PSD3: variants seen among roughly 807,000 people sequenced by gnomAD.
PSD3 encodes PH and SEC7 domain-containing protein 3.
A neutral mutation model predicts 105.5 loss-of-function variants in PSD3; 49 were observed. The observed-to-expected ratio is 0.46, with a 90% CI of 0.37 to 0.59. The LOEUF (loss-of-function observed/expected upper bound fraction) is 0.59, where lower values mean the gene tolerates loss of function less well. Among genes scored for constraint, PSD3 ranks in the 20% least tolerant of loss-of-function variants. The pLI is 0.00. For synonymous variants in PSD3, 557 were observed against 457.8 expected, an observed-to-expected ratio of 1.22 and a Z score of -2.77; for missense variants, 1,561 against 1,263.8, an observed-to-expected ratio of 1.24 and a Z score of -3.57.
chr8:18,666,870 G>T (rs2130895084), intron 9 of PSD3, among the ~76,000 whole-genome samples: 1 of 152,248 alleles, frequency 6.6e-6, no homozygotes, highest in Non-Finnish European at 1.5e-5. Context: ...AAACAGATTG[G>T]AATGCTATTG....
chr8:18,560,179 C>G (rs1000141637), intron 14 of PSD3, among the ~76,000 whole-genome samples: 51 of 134,632 alleles, frequency 3.8e-4, no homozygotes, highest in Non-Finnish European at 6.1e-4. Context: ...ACATTTTACA[C>G]ACACACACAC....
intron 1 of PSD3, among the ~76,000 whole-genome samples, chr8:18,946,725 C>T (rs950910313): frequency 1.3e-5 from 2 of 151,660 alleles, no homozygotes; most frequent in African/African-American, 4.8e-5. Flanking sequence ...TATGGTGAAA[C>T]CCCATCTCTA....
intron 2 of PSD3, among the ~76,000 whole-genome samples, chr8:18,927,986 C>G (rs1166217332): frequency 6.6e-6 from 1 of 152,186 alleles, no homozygotes; most frequent in African/African-American, 2.4e-5. Flanking sequence ...CTCGGCAATT[C>G]TACTTCTAGC....
intron 1 of PSD3, among the ~76,000 whole-genome samples, chr8:18,990,844 G>A (rs1825751884): frequency 6.6e-6 from 1 of 152,168 alleles, no homozygotes; most frequent in African/African-American, 2.4e-5. Flanking sequence ...CCAAGCTGCA[G>A]TGTTACACTA....
At chr8:18,834,102 T>C (rs1411763365) in intron 4 of PSD3, among the ~76,000 whole-genome samples, 1 of 152,200 alleles carries the variant, frequency 6.6e-6, no homozygotes, top group South Asian at 2.1e-4. Context: ...ATTGTAAAGA[T>C]GTTTCTCTCA....
chr8:18,768,926 ATAAGT>A (rs1224188993), intron 8 of PSD3, among the ~76,000 whole-genome samples: 27 of 152,332 alleles, frequency 1.8e-4, no homozygotes, highest in Admixed American at 1.0e-3. Flanking sequence ...GATATTTCTC[ATAAGT>A]TAAATAAATT....
intron 8 of PSD3, among the ~76,000 whole-genome samples, chr8:18,768,842 G>T (rs1046716966): frequency 1.3e-5 from 2 of 152,134 alleles, no homozygotes; most frequent in African/African-American, 2.4e-5. Flanking sequence ...CATCAGCAAA[G>T]AATGCATAGT....
intron 1 of PSD3, among the ~76,000 whole-genome samples, chr8:19,025,767 G>T (rs184225140): frequency 1.9e-3 from 289 of 152,314 alleles, no homozygotes; most frequent in African/African-American, 6.8e-3. Flanking sequence ...AGGATTCCCA[G>T]TTGGCATCTT....
At chr8:18,652,140 G>T (rs958708667) in intron 10 of PSD3, among the ~76,000 whole-genome samples, 8 of 152,130 alleles carry the variant, frequency 5.3e-5, no homozygotes, top group African/African-American at 1.9e-4. Flanking sequence ...AATAGAAATG[G>T]AGCACACACG....
chr8:18,932,659 C>T (rs772676751), intron 2 of PSD3, among the ~76,000 whole-genome samples: 5 of 152,184 alleles, frequency 3.3e-5, no homozygotes, highest in Non-Finnish European at 7.3e-5. Context: ...ATTTTCCTCA[C>T]CTACTTATTT....
chr8:18,622,617 T>C (rs2130719786), intron 11 of PSD3, among the ~76,000 whole-genome samples: 1 of 152,340 alleles, frequency 6.6e-6, no homozygotes, highest in East Asian at 1.9e-4. Flanking sequence ...CAATAAAAAT[T>C]GTACATAAGT....
chr8:19,040,394 G>A (rs1276399369), intron 1 of PSD3, among the ~76,000 whole-genome samples: 1 of 151,960 alleles, frequency 6.6e-6, no homozygotes, highest in East Asian at 1.9e-4. Context: ...TTGTAGAGAC[G>A]GGGGTCTTGC....
At chr8:18,747,178 G>A (rs1331528436) in intron 9 of PSD3, among the ~76,000 whole-genome samples, 3 of 152,218 alleles carry the variant, frequency 2.0e-5, no homozygotes, top group Admixed American at 2.0e-4. Flanking sequence ...ACCACAAATT[G>A]GAGCTTGGCC....
chr8:18,873,356 C>T (rs1034736345), intron 2 of PSD3, among the ~76,000 whole-genome samples: 3 of 152,118 alleles, frequency 2.0e-5, no homozygotes, highest in Non-Finnish European at 4.4e-5. Flanking sequence ...AGAAAGACTT[C>T]CAGGAACCCA....
chr8:18,925,251 C>T (rs763555105), intron 2 of PSD3, among the ~76,000 whole-genome samples: 23 of 152,044 alleles, frequency 1.5e-4, no homozygotes, highest in Non-Finnish European at 2.4e-4. Context: ...AAAAGTCAGC[C>T]GGGCATGGTG....
At chr8:18,552,937 G>A (rs1800860860) in intron 15 of PSD3, among the ~76,000 whole-genome samples, 1 of 152,022 alleles carries the variant, frequency 6.6e-6, no homozygotes. Context: ...AAGTTTCCTT[G>A]CTCTCTGTAA....
chr8:18,766,134 G>C (rs539030034), intron 8 of PSD3, among the ~76,000 whole-genome samples: 8 of 152,192 alleles, frequency 5.3e-5, no homozygotes, highest in Admixed American at 2.6e-4. Flanking sequence ...AAGAGTTTGA[G>C]ACCAGCCTGG....
chr8:18,596,172 T>A (rs2130545212), intron 12 of PSD3, among the ~76,000 whole-genome samples: 1 of 139,860 alleles, frequency 7.2e-6, no homozygotes. Flanking sequence ...CAAAAAAAAA[T>A]CAAAAAGGAA....
intron 1 of PSD3, among the ~76,000 whole-genome samples, chr8:18,965,790 G>A (rs1472764221): frequency 1.3e-5 from 2 of 152,196 alleles, no homozygotes; most frequent in Admixed American, 6.5e-5. Context: ...CCATGAGATG[G>A]ATCTGAAGCT....
Sources: gnomAD v4.1 joint callset for allele counts (sites outside exome capture counted in the v4.1 genomes callset) on GRCh38, gnomAD v4.1.1 for gene constraint, MANE v1.5 for transcripts, NCBI Gene and HGNC (gene_info 2026-07-23, HGNC 2026-07-21) for gene names.